NICOL1: variants seen among roughly 807,000 people sequenced by gnomAD.
The protein encoded by NICOL1 is NELL2 interacting cell ontogeny regulator 1.
the NICOL1 span, chr4:2,041,920 C>G: frequency 5.0e-6 from 7 of 1,403,102 alleles, no homozygotes; most frequent in East Asian, 9.0e-5. Context: ...CCTCTAAACC[C>G]GCGGCCAGCG....
At chr4:2,043,058 C>T in the NICOL1 span, among the ~76,000 whole-genome samples, 2 of 152,204 alleles carry the variant, frequency 1.3e-5, no homozygotes, top group African/African-American at 2.4e-5. Flanking sequence ...GCCCCTCCCC[C>T]AGAAGGCTCT....
chr4:2,043,497 T>G, the NICOL1 span, among the ~76,000 whole-genome samples: 3 of 152,110 alleles, frequency 2.0e-5, no homozygotes, highest in African/African-American at 7.2e-5. Flanking sequence ...CCTGGAGCCC[T>G]CTCCCCACTC....
chr4:2,041,150 T>TGGGGGGGGGGG, the NICOL1 span, among the ~76,000 whole-genome samples: 2 of 65,600 alleles, frequency 3.0e-5, no homozygotes, highest in African/African-American at 1.2e-4. Flanking sequence ...CTGGGTGGGG[T>TGGGGGGGGGGG]GGGGGGGGAG....
the NICOL1 span, chr4:2,042,544 G>A: frequency 2.2e-6 from 1 of 456,190 alleles, no homozygotes; most frequent in Non-Finnish European, 3.9e-6. Flanking sequence ...GGGCGTGCGG[G>A]GCCGGGGCTC....
At chr4:2,042,189 T>C in the NICOL1 span, 4 of 864,426 alleles carry the variant, frequency 4.6e-6, no homozygotes, top group South Asian at 1.8e-5. Flanking sequence ...GGGAGGGGGC[T>C]CCCGGGCCCG....
chr4:2,041,380 G>A, the NICOL1 span, among the ~76,000 whole-genome samples: 3 of 152,326 alleles, frequency 2.0e-5, no homozygotes, highest in South Asian at 6.2e-4. Flanking sequence ...TCGGCACAGA[G>A]AGGCCGAGGA....
At chr4:2,041,551 C>T in the NICOL1 span, among the ~76,000 whole-genome samples, 2 of 152,182 alleles carry the variant, frequency 1.3e-5, no homozygotes, top group Non-Finnish European at 2.9e-5. Flanking sequence ...CAGGGAAAAG[C>T]CGGGCGAGGG....
the NICOL1 span, among the ~76,000 whole-genome samples, chr4:2,037,208 C>G: frequency 2.0e-4 from 30 of 152,194 alleles, no homozygotes; most frequent in Admixed American, 2.0e-3. Context: ...GCTCCCCAAC[C>G]ATGCTTATGT....
the NICOL1 span, chr4:2,043,750 C>G: frequency 1.2e-6 from 1 of 832,718 alleles, no homozygotes; most frequent in Non-Finnish European, 1.9e-6. Context: ...AGGGCCTGAC[C>G]TTGTCTGTCT....
the NICOL1 span, chr4:2,042,785 G>C: frequency 2.2e-5 from 33 of 1,518,182 alleles, no homozygotes; most frequent in Admixed American, 6.7e-4. Context: ...AGCGCGCCCT[G>C]CAGGACCTGC....
At chr4:2,040,327 G>C in the NICOL1 span, among the ~76,000 whole-genome samples, 11 of 152,230 alleles carry the variant, frequency 7.2e-5, no homozygotes, top group African/African-American at 2.4e-4. Context: ...GGCTGGTCTT[G>C]AACTCCTGAC....
chr4:2,040,641 C>A, the NICOL1 span, among the ~76,000 whole-genome samples: 3 of 152,168 alleles, frequency 2.0e-5, no homozygotes, highest in African/African-American at 7.2e-5. Context: ...GAAGTGCGCA[C>A]TAGCCCGACA....
chr4:2,043,908 C>G, the NICOL1 span: 1 of 1,549,168 alleles, frequency 6.5e-7, no homozygotes, highest in South Asian at 1.2e-5. Context: ...TGTGTGCCTG[C>G]TGGCCAGCGG....
At chr4:2,038,237 G>GTGTA in the NICOL1 span, among the ~76,000 whole-genome samples, 361 of 91,444 alleles carry the variant, frequency 3.9e-3, 9 homozygotes, top group Non-Finnish European at 5.1e-3. Context: ...TGATCAGTGT[G>GTGTA]TATATATATA....
At chr4:2,041,360 G>C in the NICOL1 span, among the ~76,000 whole-genome samples, 2 of 152,220 alleles carry the variant, frequency 1.3e-5, no homozygotes, top group Admixed American at 6.5e-5. Flanking sequence ...CTGAGTTCAC[G>C]GGACTGAAAT....
the NICOL1 span, among the ~76,000 whole-genome samples, chr4:2,039,413 C>CA: frequency 2.7e-3 from 394 of 143,902 alleles, 5 homozygotes; most frequent in African/African-American, 8.5e-3. Context: ...GATTGCGTCT[C>CA]AAAAAAAAAC....
the NICOL1 span, chr4:2,043,868 C>A: frequency 6.0e-5 from 93 of 1,549,544 alleles, no homozygotes; most frequent in Non-Finnish European, 7.5e-5. Context: ...CAGACGGAGA[C>A]CCTACTGCTG....
chr4:2,040,105 CAT>C, the NICOL1 span, among the ~76,000 whole-genome samples: 11 of 151,014 alleles, frequency 7.3e-5, no homozygotes, highest in South Asian at 2.1e-4. Context: ...AAGAAATATA[CAT>C]ATATATATAT....
chr4:2,040,212 T>C, the NICOL1 span, among the ~76,000 whole-genome samples: 3 of 152,174 alleles, frequency 2.0e-5, no homozygotes, highest in African/African-American at 4.8e-5. Context: ...GTTCAAATGA[T>C]TCTCCTGCCT....
Sources: gnomAD v4.1 joint callset for allele counts (sites outside exome capture counted in the v4.1 genomes callset) on GRCh38, gnomAD v4.1.1 for gene constraint, MANE v1.5 for transcripts, NCBI Gene and HGNC (gene_info 2026-07-23, HGNC 2026-07-21) for gene names.